Variants in NDST4 observed in about 807,000 individuals in gnomAD.
The protein encoded by NDST4 is N-heparan sulfate sulfotransferase 4.
Under a neutral mutation model 100.8 loss-of-function variants are expected in NDST4, and 63 were observed. The ratio of observed to expected loss-of-function variants is 0.62; its 90% confidence interval spans 0.51 to 0.77. NDST4 has a LOEUF of 0.77. NDST4 is among the 30% of genes least tolerant of loss of function. The probability of loss-of-function intolerance (pLI) is 0.00; values close to 1 mark genes in which losing one functional copy is unlikely to be tolerated. For missense variants in NDST4, 943 were observed against 1,018.4 expected (o/e 0.93, Z 1.01); for synonymous variants, 377 against 361.8 (o/e 1.04, Z -0.48).
At chr4:114,996,214 TAGTG>T (rs1578439971) in intron 2 of NDST4, among the ~76,000 whole-genome samples, 1 of 152,182 alleles carries the variant, frequency 6.6e-6, no homozygotes, top group East Asian at 1.9e-4. Flanking sequence ...GTTCTTGTGA[TAGTG>T]AGTGAGTTCT....
chr4:115,003,709 T>C (rs543492281), intron 2 of NDST4, among the ~76,000 whole-genome samples: 4 of 151,520 alleles, frequency 2.6e-5, no homozygotes, highest in African/African-American at 9.7e-5. Flanking sequence ...CTACTAAAAG[T>C]ATAAAAAAAT....
At chr4:115,072,406 C>A (rs112669985) in intron 2 of NDST4, among the ~76,000 whole-genome samples, 259 of 151,970 alleles carry the variant, frequency 1.7e-3, no homozygotes, top group African/African-American at 5.9e-3. Context: ...ATAACCAAAG[C>A]AATCTTGAGG....
At chr4:114,865,255 G>A (rs1199559585) in intron 7 of NDST4, among the ~76,000 whole-genome samples, 2 of 151,868 alleles carry the variant, frequency 1.3e-5, no homozygotes, top group Non-Finnish European at 2.9e-5. Flanking sequence ...AGTAGAGACG[G>A]GATTTCACCA....
At chr4:114,889,466 T>C (rs1309484843) in intron 6 of NDST4, among the ~76,000 whole-genome samples, 1 of 152,198 alleles carries the variant, frequency 6.6e-6, no homozygotes, top group African/African-American at 2.4e-5. Flanking sequence ...GATCATAAAG[T>C]CTGTGCTGAA....
chr4:114,924,439 A>G (rs1442701379), intron 6 of NDST4, among the ~76,000 whole-genome samples: 3 of 151,986 alleles, frequency 2.0e-5, no homozygotes, highest in Admixed American at 1.3e-4. Flanking sequence ...GGATAGAAAA[A>G]AAAAAAGAAG....
chr4:115,073,240 A>G (rs1480929821), intron 2 of NDST4, among the ~76,000 whole-genome samples: 1 of 151,980 alleles, frequency 6.6e-6, no homozygotes, highest in Non-Finnish European at 1.5e-5. Flanking sequence ...TATAGCCACT[A>G]TGGAAAACAA....
chr4:114,971,855 G>A (rs1284986602), intron 3 of NDST4, among the ~76,000 whole-genome samples: 1 of 151,934 alleles, frequency 6.6e-6, no homozygotes, highest in South Asian at 2.1e-4. Context: ...CCCTAGTTTT[G>A]CCACTTAATT....
At position 115,076,318 on chromosome 4, in the gene NDST4, G is replaced by C. The variant is rs1196007237; in HGVS notation, c.719C>G (p.Thr240Arg). 3.1e-6 allele frequency: 5 copies of C among 1,613,972 alleles called. No individual in the cohort carries two copies. The highest frequency in any genetic ancestry group is 1.7e-4 in the Middle Eastern group (1 of 6,060). Residue 240 changes from threonine (T) to arginine (R), a missense_variant, in exon 2 of 14, where the codon ACA becomes AGA. By Grantham distance (71) the Thr-to-Arg change is moderately conservative. This residue lies in a region of NDST4 where 417 missense variants were observed against 384.2 expected (regional missense o/e 1.09). Coordinates refer to ENST00000264363, the MANE Select transcript of NDST4 (RefSeq NM_022569.3). The stretch of plus-strand genomic sequence containing the variant: ...AGACAAGGATGACAGGGATTTTTCT[G>C]TCTGTAACTCAGTTAAAAGTACAGG... ...YQPVLLTELQTEKSLSSLSSK... is the reference protein window; with the variant it reads ...YQPVLLTELQREKSLSSLSSK...
chr4:115,095,905 A>G (rs1729611948), intron 1 of NDST4, among the ~76,000 whole-genome samples: 1 of 152,010 alleles, frequency 6.6e-6, no homozygotes, highest in Non-Finnish European at 1.5e-5. Context: ...TCCAATCACA[A>G]TCTTCTATTT....
chr4:115,005,516 A>G (rs2126257801), intron 2 of NDST4, among the ~76,000 whole-genome samples: 1 of 152,272 alleles, frequency 6.6e-6, no homozygotes, highest in Non-Finnish European at 1.5e-5. Flanking sequence ...GGAGGCCCAC[A>G]TGGTTGGGGA....
intron 2 of NDST4, among the ~76,000 whole-genome samples, chr4:115,006,378 T>A (rs1486561553): frequency 1.3e-5 from 2 of 152,026 alleles, no homozygotes; most frequent in East Asian, 1.9e-4. Context: ...AGAAGCTGAA[T>A]CAGCCTATAG....
At chr4:114,921,194 A>G (rs1449712882) in intron 6 of NDST4, among the ~76,000 whole-genome samples, 2 of 152,226 alleles carry the variant, frequency 1.3e-5, no homozygotes, top group African/African-American at 4.8e-5. Context: ...GTATTTTAGT[A>G]GAGAACAAAA....
intron 2 of NDST4, among the ~76,000 whole-genome samples, chr4:115,013,048 G>A (rs1727588733): frequency 6.7e-6 from 1 of 149,984 alleles, no homozygotes; most frequent in Non-Finnish European, 1.5e-5. Context: ...ATGGTTACCA[G>A]GTGTTAGGAG....
intron 1 of NDST4, among the ~76,000 whole-genome samples, chr4:115,078,164 G>A (rs1386234814): frequency 6.6e-6 from 1 of 152,082 alleles, no homozygotes; most frequent in Non-Finnish European, 1.5e-5. Context: ...AAGAAAAAAA[G>A]GATTAATTGG....
At chr4:114,978,272 TA>T (rs759441893) in intron 2 of NDST4, among the ~76,000 whole-genome samples, 22 of 152,040 alleles carry the variant, frequency 1.4e-4, no homozygotes, top group Non-Finnish European at 2.8e-4. Flanking sequence ...AGTCAGAGGT[TA>T]AACAATTTTT....
At position 115,064,321 on chromosome 4, in the gene NDST4, T is replaced by G. The variant is rs992405073; in HGVS notation, c.978+11738A>C. ...AAACACATAAAACTAAATAAAATTG[T>G]TTCAATCGATCATAATTTCTAGGCA... is the stretch of plus-strand genomic sequence containing the variant. On this transcript the variant is annotated intron_variant, in intron 2 of 13. Transcript: ENST00000264363. Among the ~76,000 whole-genome samples, 6 of 152,004 alleles carry G rather than the reference T, an allele frequency of 3.9e-5. No individual in the cohort carries two copies. The East Asian group carries it at 9.6e-4, about 24-fold the overall frequency.
intron 2 of NDST4, among the ~76,000 whole-genome samples, chr4:115,040,002 C>T (rs1728316844): frequency 6.6e-6 from 1 of 151,760 alleles, no homozygotes; most frequent in Non-Finnish European, 1.5e-5. Flanking sequence ...TATATTCATA[C>T]ATACCCATAT....
intron 6 of NDST4, among the ~76,000 whole-genome samples, chr4:114,934,348 G>A (rs1725578811): frequency 6.6e-6 from 1 of 151,862 alleles, no homozygotes; most frequent in African/African-American, 2.4e-5. Flanking sequence ...TCAGGAGATC[G>A]AGACCATCCT....
At position 114,848,346 on chromosome 4, in the gene NDST4, A is replaced by G. The variant is rs530962548; in HGVS notation, c.1817-8T>C. 9.6e-6 allele frequency: 15 copies of G among 1,559,212 alleles called. No individual in the cohort carries two copies. In the African/African-American group the frequency reaches 2.1e-4, roughly 22 times the overall value. The stretch of plus-strand genomic sequence containing the variant: ...AATAAAGTGCAGTTGTTCCTGTTAC[A>G]AAAAAAGAAAGTAAAAGGTTATATG... On this transcript the variant is annotated splice_polypyrimidine_tract_variant and splice_region_variant and intron_variant, in intron 8 of 13. Transcript: ENST00000264363.
Sources: allele counts gnomAD v4.1 joint callset (sites outside exome capture counted in the v4.1 genomes callset), GRCh38; gene constraint gnomAD v4.1.1; regional missense constraint gnomAD v4.1.1; transcripts MANE v1.5; gene names NCBI Gene and HGNC (gene_info 2026-07-23, HGNC 2026-07-21).